The following DISP3 variants were observed in gnomAD, a reference collection of about 807,000 sequenced individuals.
DISP3 encodes the protein dispatched RND transporter family member 3, also known as protein dispatched homolog 3.
Under a neutral mutation model 135.3 loss-of-function variants are expected in DISP3, and 101 were observed. The observed-to-expected ratio is 0.75, with a 90% CI of 0.64 to 0.88. The LOEUF is 0.88. DISP3 is among the 40% of genes least tolerant of loss of function. The probability of loss-of-function intolerance (pLI) is 0.00; values close to 1 mark genes in which losing one functional copy is unlikely to be tolerated. For missense variants in DISP3, 1,713 were observed against 1,878.6 expected, an observed-to-expected ratio of 0.91 and a Z score of 1.63; for synonymous variants, 856 against 817.0, an observed-to-expected ratio of 1.05 and a Z score of -0.81.
rs1642718135 is a variant in DISP3 at position 11,536,826 on chromosome 1, A to C, written c.*140A>C. 2.6e-6 allele frequency: 3 copies of C among 1,149,558 alleles called. No homozygotes were observed. Among genetic ancestry groups the C allele is most frequent in the Non-Finnish European group, 3.6e-6 (3 of 842,070 alleles). 71.2% of individuals were successfully genotyped at this position (1,149,558 alleles called of 1,614,324 possible). A position where few individuals can be genotyped will look rare whatever the true frequency, so the allele number is the denominator to read the frequency against. ...CGGGCCAGCGTGGAGGCTGACACCC[A>C]CACAGATGGTGTGGACCATGCTGCC... is the stretch of plus-strand genomic sequence containing the variant. On this transcript the variant is annotated 3_prime_UTR_variant, in exon 21 of 21. Coordinates refer to ENST00000294484, the MANE Select transcript of DISP3 (RefSeq NM_020780.2). This position sits in a 1 kb window ranked among gnomAD's most constrained non-coding sequence, Gnocchi z 4.3.
intron 3 of DISP3, among the ~76,000 whole-genome samples, chr1:11,506,218 G>A (rs985821460): frequency 1.1e-4 from 17 of 152,074 alleles, no homozygotes; most frequent in African/African-American, 4.1e-4. Flanking sequence ...ACGTATCTTA[G>A]TGTGTTTTCT....
rs1204979180 is a variant in DISP3 at position 11,526,738 on chromosome 1, C to T, written c.2701C>T (p.Arg901Cys). 1.3e-5 allele frequency: 21 copies of T among 1,613,952 alleles called. No individual in the cohort carries two copies. The highest frequency in any genetic ancestry group is 1.7e-5 in the Admixed American group (1 of 60,002). Residue 901 changes from arginine (R) to cysteine (C), a missense_variant, in exon 13 of 21, where the codon CGC becomes TGC. This residue lies in a region of DISP3 where 1,142 missense variants were observed against 1,384.6 expected (regional missense o/e 0.82). Transcript: ENST00000294484. ...VGLLQAASPS[R>C]KWMLTTLACD... The stretch of plus-strand genomic sequence containing the variant: ...GCTGCTCCAGGCGGCGAGCCCCTCC[C>T]GCAAGTGGATGCTGACGACCTTGGC...
chr1:11,497,545 C>T (rs112405730), intron 1 of DISP3, among the ~76,000 whole-genome samples: 78 of 152,260 alleles, frequency 5.1e-4, no homozygotes, highest in African/African-American at 1.8e-3. Context: ...CCTGCAACCA[C>T]GCCCAGCTAA....
intron 11 of DISP3, 52 bp downstream of exon 11, chr1:11,524,107 A>G (rs2076469): frequency 0.23 from 312,172 of 1,356,184 alleles, 38,314 homozygotes; most frequent in East Asian, 0.45. Context: ...CTAGGGTTGA[A>G]GGCCCTGTAA....
In DISP3 at chr1:11,520,694, C is replaced by G. The variant is rs746847290; in HGVS notation, c.2208C>G (p.Phe736Leu). Reference protein sequence around the residue: ...VKSRWVIVGLFVSILILSLVF... With the variant: ...VKSRWVIVGLLVSILILSLVF... The stretch of plus-strand genomic sequence containing the variant: ...AGCGCCCTTTCCTCACAGGGCTGTT[C>G]GTCTCCATCCTCATCTTGTCCCTGG... Residue 736 changes from phenylalanine to leucine, a missense_variant, in exon 10 of 21, where the codon TTC (phenylalanine) becomes TTG (leucine). Phe to Leu is a conservative substitution (Grantham distance 22). This residue lies in a region of DISP3 where 1,142 missense variants were observed against 1,384.6 expected (regional missense o/e 0.82). Transcript: ENST00000294484. This position sits in a 1 kb window ranked among gnomAD's most constrained non-coding sequence, Gnocchi z 4.8. The G allele has an allele frequency of 1.2e-6, 2 of 1,613,018 alleles. No homozygotes were observed. Among genetic ancestry groups the G allele is most frequent in the Non-Finnish European group, 1.7e-6 (2 of 1,179,856 alleles).
rs1237029328 is a variant in DISP3, at chr1:11,502,760, C to A, written c.1179C>A (p.Ser393=). ...EGLSADNLKS[S]LLRSEILFGA... is the part of the protein sequence containing the mutation. ...TCTCTGCAGACAATCTGAAGAGCTC[C>A]CTCCTGCGCAGTGAGATCCTGTTTG... is the stretch of plus-strand genomic sequence containing the variant. Residue 393 remains serine (S), a synonymous_variant, in exon 3 of 21, where the codon TCC becomes TCA. Transcript: ENST00000294484. 1 of 1,614,188 alleles carries A rather than the reference C, an allele frequency of 6.2e-7. No individual in the cohort carries two copies.
chr1:11,507,132 A>G (rs1374741248), intron 3 of DISP3, among the ~76,000 whole-genome samples: 1 of 152,200 alleles, frequency 6.6e-6, no homozygotes, highest in African/African-American at 2.4e-5. Context: ...AGAGGTCCAG[A>G]CGATGTTATT....
chr1:11,488,668 T>TG (rs3065831), intron 1 of DISP3, among the ~76,000 whole-genome samples: 6 of 151,164 alleles, frequency 4.0e-5, no homozygotes, highest in South Asian at 4.2e-4. Flanking sequence ...TGTGTGTGTG[T>TG]TTGCAGACAC....
chr1:11,514,425 T>G lies in DISP3; in HGVS notation c.1352T>G (p.Phe451Cys). ...VQVLYGGTDL[F>C]DYEVRRTFNN... ...GTTCTCTATGGGGGGACAGACCTGT[T>G]TGACTATGAAGTGCGCAGGACGTTC... The change falls in exon 4 of 21, where the codon TTT becomes TGT. Residue 451 changes from phenylalanine to cysteine, a missense_variant. By Grantham distance (205) the Phe-to-Cys change is radical. This residue lies in a region of DISP3 where 1,142 missense variants were observed against 1,384.6 expected (regional missense o/e 0.82). Transcript: ENST00000294484. 6.2e-7 allele frequency: 1 copy of G among 1,613,566 alleles called. No individual in the cohort carries two copies. Among genetic ancestry groups the G allele is most frequent in the Non-Finnish European group, 8.5e-7 (1 of 1,179,402 alleles).
intron 4 of DISP3, 24 bp downstream of exon 4, chr1:11,514,550 C>A: frequency 6.2e-7 from 1 of 1,607,052 alleles, no homozygotes; most frequent in African/African-American, 1.3e-5. Context: ...CAAGCCAGCC[C>A]CCTCCTCCCC....
rs1315857185 is a variant in DISP3 at position 11,516,411 on chromosome 1, A to G, written c.1749+250A>G. Among the ~76,000 whole-genome samples the G allele has an allele frequency of 2.6e-5, 4 of 152,210 alleles. No individual in the cohort carries two copies. Among genetic ancestry groups the G allele is most frequent in the Admixed American group, 6.5e-5 (1 of 15,276 alleles). ...AGTAGTAATCCAGCCTCCACCCTGGAGGACATTTGGCAGTTTCCAAAGCTC... is the reference window on the plus strand; with the variant it reads ...AGTAGTAATCCAGCCTCCACCCTGGGGGACATTTGGCAGTTTCCAAAGCTC... On this transcript the variant is annotated intron_variant, in intron 6 of 20. Coordinates refer to ENST00000294484, the MANE Select transcript of DISP3 (RefSeq NM_020780.2). The surrounding 1 kb of genome is among the most constrained non-coding windows in gnomAD (Gnocchi z 5.1).
At chr1:11,507,895 A>T (rs891019594) in intron 3 of DISP3, among the ~76,000 whole-genome samples, 1 of 152,226 alleles carries the variant, frequency 6.6e-6, no homozygotes, top group Admixed American at 6.5e-5. Context: ...TTTCAAATTA[A>T]TGTGTGAATG....
chr1:11,512,502 A>G (rs1221418463), intron 3 of DISP3, among the ~76,000 whole-genome samples: 1 of 152,214 alleles, frequency 6.6e-6, no homozygotes, highest in Non-Finnish European at 1.5e-5. Flanking sequence ...CCTTTGCTCC[A>G]GTTCCCAACA....
intron 10 of DISP3, among the ~76,000 whole-genome samples, chr1:11,523,383 C>T (rs1642302870): frequency 2.0e-5 from 3 of 152,140 alleles, no homozygotes; most frequent in African/African-American, 7.2e-5. Flanking sequence ...GATGTCCCAC[C>T]CCCGAGGGAA....
chr1:11,537,349 CT>C lies in DISP3; in HGVS notation c.*664del, dbSNP rs1642736223. 1 of 152,468 alleles carries C rather than the reference CT, an allele frequency of 6.6e-6. No homozygotes were observed. The highest frequency in any genetic ancestry group is 2.4e-5 in the African/African-American group (1 of 41,482). 9.4% of individuals were successfully genotyped at this position (152,468 alleles called of 1,614,324 possible). A position where few individuals can be genotyped will look rare whatever the true frequency, so the allele number is the denominator to read the frequency against. ...GCTTGGGCTTCTGCATGTCCTACCCCTGACCCCAGCCTCAAGGGGCCCCTCA... is the reference window on the plus strand; with the variant it reads ...GCTTGGGCTTCTGCATGTCCTACCCCGACCCCAGCCTCAAGGGGCCCCTCA... On this transcript the variant is annotated 3_prime_UTR_variant, in exon 21 of 21. Transcript: ENST00000294484.
At position 11,502,689 on chromosome 1, in the gene DISP3, C is replaced by T. The variant is rs763400096; in HGVS notation, c.1108C>T (p.Leu370=). The T allele has an allele frequency of 1.9e-6, 3 of 1,613,846 alleles. No individual in the cohort carries two copies. The highest frequency in any genetic ancestry group is 2.2e-5 in the East Asian group (1 of 44,878). The stretch of plus-strand genomic sequence containing the variant: ...CCCTGTCCTTGCAGGCTCCCTGGAG[C>T]TGGCCATGACTCACCCTGAGTTCTA... The part of the protein sequence containing the change: ...DLADIRGSLE[L]AMTHPEFYWY... The change falls in exon 3 of 21, where the codon CTG becomes TTG. Residue 370 remains leucine, a synonymous_variant. Transcript: ENST00000294484.
At chr1:11,498,145 C>T (rs1370864986) in intron 1 of DISP3, among the ~76,000 whole-genome samples, 1 of 152,214 alleles carries the variant, frequency 6.6e-6, no homozygotes, top group Non-Finnish European at 1.5e-5. Context: ...GCAATTGTTG[C>T]AGTTGCTATT....
chr1:11,515,268 G>T, intron 4 of DISP3, 101 bp from the exon 5 acceptor site: 1 of 1,450,294 alleles, frequency 6.9e-7, no homozygotes. Context: ...GACCAGGGTT[G>T]GGGAGAAGAG....
intron 1 of DISP3, among the ~76,000 whole-genome samples, chr1:11,498,826 C>T (rs1358822519): frequency 2.0e-5 from 3 of 152,182 alleles, no homozygotes; most frequent in Non-Finnish European, 1.5e-5. Flanking sequence ...CTGTTATACC[C>T]GTTCTGCAGA....
Sources: allele counts gnomAD v4.1 joint callset (sites outside exome capture counted in the v4.1 genomes callset), GRCh38; gene constraint gnomAD v4.1.1; regional missense constraint gnomAD v4.1.1; non-coding constraint Gnocchi (gnomAD v3.1); transcripts MANE v1.5; gene names NCBI Gene and HGNC (gene_info 2026-07-23, HGNC 2026-07-21).